The following CDH13 variants were observed in gnomAD, a reference collection of about 807,000 sequenced individuals.
The protein encoded by CDH13 is cadherin 13.
A neutral mutation model predicts 63.8 loss-of-function variants in CDH13; 24 were observed. The observed-to-expected ratio is 0.38, with a 90% CI of 0.27 to 0.53. The LOEUF (loss-of-function observed/expected upper bound fraction) is 0.53. Ranked by LOEUF, CDH13 falls within the 20% of genes least tolerant of loss-of-function variation. The pLI, the probability that CDH13 is intolerant of heterozygous loss-of-function variation, is 0.85. For synonymous variants in CDH13, 503 were observed against 355.3 expected, an observed-to-expected ratio of 1.42 and a Z score of -4.67; for missense variants, 1,049 against 903.1, an observed-to-expected ratio of 1.16 and a Z score of -2.07.
At chr16:83,248,565 C>G (rs1905192802) in intron 5 of CDH13, among the ~76,000 whole-genome samples, 2 of 152,264 alleles carry the variant, frequency 1.3e-5, no homozygotes, top group South Asian at 4.1e-4. Context: ...TGTAGTACAT[C>G]TCTTTTCTCT....
rs932740904 is a variant in CDH13, at chr16:82,733,887, A to G, written c.45+106750A>G. On this transcript the variant is annotated intron_variant, in intron 1 of 13. Coordinates refer to ENST00000567109, the MANE Select transcript of CDH13 (RefSeq NM_001257.5). Reference sequence around the variant, plus strand: ...AGCAAATAAGTACATAGCACCTATCATGAACCAGTGACTTTGCTTAGGAAC... The same window carrying G: ...AGCAAATAAGTACATAGCACCTATCGTGAACCAGTGACTTTGCTTAGGAAC... 4.6e-5 allele frequency among the ~76,000 whole-genome samples: 7 copies of G among 152,260 alleles called. No homozygotes were observed. The East Asian group carries it at 5.8e-4, about 13-fold the overall frequency.
intron 3 of CDH13, among the ~76,000 whole-genome samples, chr16:83,104,901 T>G (rs1405501094): frequency 1.3e-5 from 2 of 152,162 alleles, no homozygotes; most frequent in Admixed American, 6.5e-5. Context: ...TGGCAATGAG[T>G]GCTTCCTTTT....
chr16:83,074,721 A>G (rs2032696074), intron 3 of CDH13, among the ~76,000 whole-genome samples: 1 of 152,184 alleles, frequency 6.6e-6, no homozygotes, highest in Non-Finnish European at 1.5e-5. Flanking sequence ...CTTCATAGCC[A>G]TCGTCTCACA....
chr16:82,897,977 A>C (rs999834879), intron 2 of CDH13, among the ~76,000 whole-genome samples: 13 of 152,352 alleles, frequency 8.5e-5, no homozygotes, highest in Non-Finnish European at 1.8e-4. Context: ...ACCGTCCAAT[A>C]CAGTAAGCCA....
intron 7 of CDH13, among the ~76,000 whole-genome samples, chr16:83,498,962 C>T (rs1040915317): frequency 2.6e-5 from 4 of 152,112 alleles, no homozygotes; most frequent in African/African-American, 7.2e-5. Flanking sequence ...AAATGCAAAT[C>T]AATACAGGTC....
intron 3 of CDH13, among the ~76,000 whole-genome samples, chr16:83,115,071 T>C (rs555167244): frequency 6.6e-6 from 1 of 152,326 alleles, no homozygotes; most frequent in East Asian, 1.9e-4. Flanking sequence ...GATTATCTAG[T>C]TATACCTGAA....
At chr16:82,668,294 G>A (rs1221218991) in intron 1 of CDH13, among the ~76,000 whole-genome samples, 4 of 152,134 alleles carry the variant, frequency 2.6e-5, no homozygotes, top group East Asian at 3.9e-4. Flanking sequence ...GGCAGAGTTG[G>A]CAAGAACTGC....
chr16:82,651,698 G>T (rs988663213), intron 1 of CDH13, among the ~76,000 whole-genome samples: 10 of 152,236 alleles, frequency 6.6e-5, no homozygotes, highest in African/African-American at 2.2e-4. Flanking sequence ...TCAGGCAGTT[G>T]TAGGAAGTAC....
chr16:82,849,698 G>C (rs1038235813), intron 1 of CDH13, among the ~76,000 whole-genome samples: 1 of 152,200 alleles, frequency 6.6e-6, no homozygotes, highest in Non-Finnish European at 1.5e-5. Flanking sequence ...GAGAGAAGAA[G>C]TAAAGGACAA....
chr16:82,732,909 T>C (rs1384152678), intron 1 of CDH13, among the ~76,000 whole-genome samples: 1 of 152,194 alleles, frequency 6.6e-6, no homozygotes, highest in East Asian at 1.9e-4. Flanking sequence ...AGGGAATTCC[T>C]ATCTGGAATT....
chr16:83,439,456 CT>C (rs1567673304), intron 6 of CDH13, among the ~76,000 whole-genome samples: 1 of 152,140 alleles, frequency 6.6e-6, no homozygotes, highest in Non-Finnish European at 1.5e-5. Context: ...TTATTAGCTG[CT>C]TTGGCGGAAG....
intron 6 of CDH13, among the ~76,000 whole-genome samples, chr16:83,440,228 C>A (rs555873527): frequency 1.3e-5 from 2 of 152,292 alleles, no homozygotes; most frequent in South Asian, 4.1e-4. Context: ...GAGTTGTAGA[C>A]AGGCTTAGGA....
chr16:82,996,527 G>C (rs780911595), intron 2 of CDH13, among the ~76,000 whole-genome samples: 5 of 152,132 alleles, frequency 3.3e-5, no homozygotes, highest in African/African-American at 4.8e-5. Context: ...CTTTGGATTT[G>C]CTGCAGAGTC....
At chr16:83,191,842 G>T (rs142162691) in intron 4 of CDH13, among the ~76,000 whole-genome samples, 3,387 of 152,012 alleles carry the variant, frequency 0.022, 57 homozygotes, top group East Asian at 0.1. Context: ...TTAAGGGTGG[G>T]TCTGCCTTTC....
At chr16:83,352,974 A>T (rs1469350780) in intron 6 of CDH13, among the ~76,000 whole-genome samples, 1 of 152,236 alleles carries the variant, frequency 6.6e-6, no homozygotes, top group Admixed American at 6.5e-5. Context: ...ATAACTCAGA[A>T]AGTCAAATAC....
In CDH13 at chr16:83,303,315, C is replaced by T. The variant is rs1014149777; in HGVS notation, c.637-41547C>T. On this transcript the variant is annotated intron_variant, in intron 5 of 13. Coordinates refer to ENST00000567109, the MANE Select transcript of CDH13 (RefSeq NM_001257.5). ...GCCTAGAAAATCAAAGGAGGATGAT[C>T]ACGCAATAACCCAGTAGGTCCAGAT... 2.6e-5 allele frequency among the ~76,000 whole-genome samples: 4 copies of T among 152,314 alleles called. 1 individual carries two copies. The East Asian group carries it at 7.7e-4, about 29-fold the overall frequency.
chr16:83,031,905 G>A, intron 2 of CDH13, 105 bp from the exon 3 acceptor site: 1 of 875,672 alleles, frequency 1.1e-6, no homozygotes, highest in Non-Finnish European at 1.8e-6. Flanking sequence ...GTGAACTCTG[G>A]GTTGGGAAAC....
chr16:82,962,800 C>T lies in CDH13; in HGVS notation c.158-69210C>T, dbSNP rs144455559. Among the ~76,000 whole-genome samples, 461 of 152,176 alleles carry T rather than the reference C, an allele frequency of 3.0e-3. 1 individual carries two copies. Among genetic ancestry groups the T allele is most frequent in the Middle Eastern group, 0.017 (5 of 294 alleles). ...TCTTGTAACAGTAATGAGCTTGATT[C>T]GCTGTGAAAAGCAAGACGTGTGAAA... On this transcript the variant is annotated intron_variant, in intron 2 of 13. Coordinates refer to ENST00000567109, the MANE Select transcript of CDH13 (RefSeq NM_001257.5).
Position 83,139,446 on chromosome 16 carries a change from C to A in CDH13, c.483+13945C>A, listed in dbSNP as rs561849618. On this transcript the variant is annotated intron_variant, in intron 4 of 13. Coordinates refer to ENST00000567109, the MANE Select transcript of CDH13 (RefSeq NM_001257.5). ...ATACATTTCTTCTTAGTGATCTCTTCTTTGAATGCTGATGTTGGCTATGCA... is the reference window on the plus strand; with the variant it reads ...ATACATTTCTTCTTAGTGATCTCTTATTTGAATGCTGATGTTGGCTATGCA... Among the ~76,000 whole-genome samples the A allele has an allele frequency of 1.7e-4, 26 of 152,294 alleles. No individual in the cohort carries two copies. In the South Asian group the frequency reaches 4.1e-3, roughly 24 times the overall value.
Sources: gnomAD v4.1 joint callset for allele counts (sites outside exome capture counted in the v4.1 genomes callset) on GRCh38, gnomAD v4.1.1 for gene constraint, MANE v1.5 for transcripts, NCBI Gene and HGNC (gene_info 2026-07-23, HGNC 2026-07-21) for gene names.